SERPIND1: variants seen among roughly 807,000 people sequenced by gnomAD.
The protein encoded by SERPIND1 is heparin cofactor 2.
A neutral mutation model predicts 35.0 loss-of-function variants in SERPIND1; 34 were observed. The ratio of observed to expected loss-of-function variants is 0.97; its 90% CI spans 0.74 to 1.29. The LOEUF is 1.29. SERPIND1 is among the 50% of genes most tolerant of loss of function. The pLI, the probability that SERPIND1 is intolerant of heterozygous loss-of-function variation, is 0.00. For missense variants in SERPIND1, 633 were observed against 637.7 expected (o/e 0.99, Z 0.08); for synonymous variants, 236 against 241.1 (o/e 0.98, Z 0.19).
rs4675 is a variant in SERPIND1 at position 20,787,012 on chromosome 22, T to C, written c.1446T>C (p.His482=). ...DRPFLFLIYE[H]RTSCLLFMGR... is the part of the protein sequence containing the mutation. Reference sequence around the variant, plus strand: ...CCTTTCTTTTCCTCATCTACGAGCATCGCACCAGCTGCCTGCTCTTCATGG... The same window carrying C: ...CCTTTCTTTTCCTCATCTACGAGCACCGCACCAGCTGCCTGCTCTTCATGG... The change falls in exon 5 of 5, where the codon CAT becomes CAC. Residue 482 remains histidine (H), a synonymous_variant. Coordinates refer to ENST00000215727, the MANE Select transcript of SERPIND1 (RefSeq NM_000185.4). The C allele has an allele frequency of 0.45, 725,893 of 1,613,654 alleles. 166,141 individuals carry two copies. Among genetic ancestry groups the C allele is most frequent in the African/African-American group, 0.59 (44,205 of 74,876 alleles).
chr22:20,785,786 A>T (rs559196318), intron 3 of SERPIND1, among the ~76,000 whole-genome samples: 2 of 152,348 alleles, frequency 1.3e-5, no homozygotes, highest in East Asian at 3.9e-4. Context: ...TCAAGGAAAT[A>T]ATCATGCAAC....
chr22:20,782,646 A>T (rs567716278), intron 2 of SERPIND1, among the ~76,000 whole-genome samples: 211 of 152,304 alleles, frequency 1.4e-3, no homozygotes, highest in Non-Finnish European at 1.8e-3. Context: ...CGTGATTCCC[A>T]AAAGAGCAAT....
Position 20,787,122 on chromosome 22 carries a change from T to C in SERPIND1, c.*56T>C. ...GGGGGCACCCTCATTTTGTTTCCAT[T>C]CCAACAACGAGAACAGAGATGTTCT... On this transcript the variant is annotated 3_prime_UTR_variant, in exon 5 of 5. Coordinates refer to ENST00000215727, the MANE Select transcript of SERPIND1 (RefSeq NM_000185.4). 5 of 1,458,952 alleles carry C rather than the reference T, an allele frequency of 3.4e-6. No homozygotes were observed. Among genetic ancestry groups the C allele is most frequent in the Non-Finnish European group, 4.8e-6 (5 of 1,040,464 alleles). The allele number at this position is 1,458,952 out of a possible 1,614,324, so 90.4% of individuals were successfully genotyped here. A position where few individuals can be genotyped will look rare whatever the true frequency, so the allele number is the denominator to read the frequency against.
In SERPIND1 at chr22:20,786,002, A is replaced by G. The variant is rs1321570783; in HGVS notation, c.1164-2A>G. Reference sequence around the variant, plus strand: ...TGGGCCCCCCTTTCCTTTTCTGTCTAGAACTCGAGAAGTGCTTCTGCCGAA... The same window carrying G: ...TGGGCCCCCCTTTCCTTTTCTGTCTGGAACTCGAGAAGTGCTTCTGCCGAA... On this transcript the variant is annotated splice_acceptor_variant, in intron 3 of 4. Transcript: ENST00000215727. LOFTEE classifies it high-confidence loss of function. The G allele has an allele frequency of 1.2e-6, 2 of 1,614,160 alleles. No individual in the cohort carries two copies. The highest frequency in any genetic ancestry group is 8.5e-7 in the Non-Finnish European group (1 of 1,180,022).
In SERPIND1 at chr22:20,786,451, C is replaced by G. The variant is rs1026235206; in HGVS notation, c.1308+303C>G. On this transcript the variant is annotated intron_variant, in intron 4 of 4. Coordinates refer to ENST00000215727, the MANE Select transcript of SERPIND1 (RefSeq NM_000185.4). The stretch of plus-strand genomic sequence containing the variant: ...GCTGCGGTCTGGGAAATAGCTACCC[C>G]CAGCCAAATCATGAAAGAGCCATTA... 2.0e-5 allele frequency among the ~76,000 whole-genome samples: 3 copies of G among 152,278 alleles called. No homozygotes were observed. In the East Asian group the frequency reaches 5.8e-4, roughly 29 times the overall value.
intron 2 of SERPIND1, 27 bp downstream of exon 2, chr22:20,780,228 A>T (rs1227373525): frequency 3.1e-6 from 5 of 1,614,196 alleles, no homozygotes; most frequent in Non-Finnish European, 3.4e-6. Context: ...CAGTTCTCAC[A>T]GCAAACCCAC....
chr22:20,783,455 CAGAA>C (rs1366629475), intron 2 of SERPIND1, among the ~76,000 whole-genome samples: 3 of 145,972 alleles, frequency 2.1e-5, no homozygotes, highest in Admixed American at 6.8e-5. Flanking sequence ...AAAAAAAAGA[CAGAA>C]AGAAAAAATA....
At chr22:20,780,336 G>A (rs1006536434) in intron 2 of SERPIND1, 135 bp downstream of exon 2, 52 of 1,398,568 alleles carry the variant, frequency 3.7e-5, no homozygotes, top group South Asian at 8.2e-5. Flanking sequence ...ACTCTGGAAC[G>A]GGGACAGGGA....
At chr22:20,774,875 C>T (rs1425457425) in intron 1 of SERPIND1, among the ~76,000 whole-genome samples, 1 of 151,956 alleles carries the variant, frequency 6.6e-6, no homozygotes, top group Non-Finnish European at 1.5e-5. Context: ...TGAGAACACA[C>T]ACGTACGTAC....
Position 20,785,864 on chromosome 22 carries a change from C to T in SERPIND1, c.1164-140C>T, listed in dbSNP as rs772235134. 137 of 1,213,812 alleles carry T rather than the reference C, an allele frequency of 1.1e-4. 1 individual carries two copies. The highest frequency in any genetic ancestry group is 5.2e-4 in the South Asian group (42 of 80,984). The allele number at this position is 1,213,812 out of a possible 1,614,324, so 75.2% of individuals were successfully genotyped here. On this transcript the variant is annotated intron_variant, in intron 3 of 4. Coordinates refer to ENST00000215727, the MANE Select transcript of SERPIND1 (RefSeq NM_000185.4). ...TGTGCTTCCTAAAATCCTCAACTGA[C>T]AGTCCCGGAATATAAATTTTAATAA...
chr22:20,787,108 C>T lies in SERPIND1; in HGVS notation c.*42C>T, dbSNP rs757591687. On this transcript the variant is annotated 3_prime_UTR_variant, in exon 5 of 5. Coordinates refer to ENST00000215727, the MANE Select transcript of SERPIND1 (RefSeq NM_000185.4). ...GTCTGAAGTGCCTTGGGGGCACCCT[C>T]ATTTTGTTTCCATTCCAACAACGAG... The T allele has an allele frequency of 6.5e-6, 10 of 1,534,402 alleles. No homozygotes were observed. The South Asian group carries it at 1.1e-4, about 17-fold the overall frequency.
rs1933871692 is a variant in SERPIND1 at position 20,782,448 on chromosome 22, G to A, written c.890-1524G>A. Among the ~76,000 whole-genome samples the A allele has an allele frequency of 2.0e-5, 3 of 152,312 alleles. No individual in the cohort carries two copies. In the South Asian group the frequency reaches 6.2e-4, roughly 32 times the overall value. ...TTCATGGATGCTTCTCAAAGGGGAC[G>A]AGTGTCTAGAAGTGTAATTTTAATT... On this transcript the variant is annotated intron_variant, in intron 2 of 4. Transcript: ENST00000215727.
chr22:20,783,218 C>CG (rs1295805675), intron 2 of SERPIND1, among the ~76,000 whole-genome samples: 1 of 152,172 alleles, frequency 6.6e-6, no homozygotes, highest in African/African-American at 2.4e-5. Flanking sequence ...CCCATATCTA[C>CG]AGTGGTGATC....
intron 4 of SERPIND1, 75 bp downstream of exon 4, chr22:20,786,223 C>A: frequency 6.7e-7 from 1 of 1,497,820 alleles, no homozygotes; most frequent in Non-Finnish European, 9.3e-7. Context: ...ACTTGCCCTT[C>A]CTACCCACCC....
In SERPIND1 at chr22:20,786,008, C is replaced by A; in HGVS notation, c.1168C>A (p.Arg390=). The A allele has an allele frequency of 6.2e-7, 1 of 1,614,104 alleles. No individual in the cohort carries two copies. The highest frequency in any genetic ancestry group is 1.3e-5 in the African/African-American group (1 of 75,010). The change falls in exon 4 of 5, where the codon CGA becomes AGA. Residue 390 remains arginine (R), a synonymous_variant. Transcript: ENST00000215727. ...CCCCTTTCCTTTTCTGTCTAGAACT[C>A]GAGAAGTGCTTCTGCCGAAATTCAA... ...RWQKSMTNRT[R]EVLLPKFKLE... is the part of the protein sequence containing the mutation.
At chr22:20,786,717 G>C (rs1051221332) in intron 4 of SERPIND1, among the ~76,000 whole-genome samples, 158 bp from the exon 5 acceptor site, 1 of 152,134 alleles carries the variant, frequency 6.6e-6, no homozygotes, top group Non-Finnish European at 1.5e-5. Flanking sequence ...CCCCTGACAG[G>C]TGGTGACAGA....
chr22:20,785,560 G>A (rs994304788), intron 3 of SERPIND1, among the ~76,000 whole-genome samples: 4 of 152,100 alleles, frequency 2.6e-5, no homozygotes, highest in African/African-American at 9.7e-5. Flanking sequence ...GTAAGTTGAG[G>A]CAAAGATTGA....
rs552213670 is a variant in SERPIND1 at position 20,786,983 on chromosome 22, C to A, written c.1417C>A (p.Arg473Ser). 1.2e-5 allele frequency: 19 copies of A among 1,614,182 alleles called. No homozygotes were observed. The East Asian group carries it at 4.2e-4, about 36-fold the overall frequency. The change falls in exon 5 of 5, where the codon CGC (arginine) becomes AGC (serine). Residue 473 changes from arginine (R) to serine (S), a missense_variant. Coordinates refer to ENST00000215727, the MANE Select transcript of SERPIND1 (RefSeq NM_000185.4). ...CACCCAAGTCCGCTTCACTGTCGAC[C>A]GCCCCTTTCTTTTCCTCATCTACGA... ...LSTQVRFTVD[R>S]PFLFLIYEHR...
chr22:20,786,967 C>G lies in SERPIND1; in HGVS notation c.1401C>G (p.Val467=), dbSNP rs1473511295. The G allele has an allele frequency of 4.3e-6, 7 of 1,614,210 alleles. No homozygotes were observed. The South Asian group carries it at 7.7e-5, about 18-fold the overall frequency. The change falls in exon 5 of 5, where the codon GTC becomes GTG. Residue 467 remains valine, a synonymous_variant. Coordinates refer to ENST00000215727, the MANE Select transcript of SERPIND1 (RefSeq NM_000185.4). Reference sequence around the variant, plus strand: ...GGTTCATGCCGCTGTCCACCCAAGTCCGCTTCACTGTCGACCGCCCCTTTC... The same window carrying G: ...GGTTCATGCCGCTGTCCACCCAAGTGCGCTTCACTGTCGACCGCCCCTTTC... ...TVGFMPLSTQ[V]RFTVDRPFLF... is the part of the protein sequence containing the mutation.
Sources: allele counts gnomAD v4.1 joint callset (sites outside exome capture counted in the v4.1 genomes callset), GRCh38; gene constraint gnomAD v4.1.1; transcripts MANE v1.5; gene names NCBI Gene and HGNC (gene_info 2026-07-23, HGNC 2026-07-21).